Variants in RCE1 observed in about 807,000 individuals in gnomAD.
RCE1 encodes Ras converting CAAX endopeptidase 1, also known as CAAX prenyl protease 2.
A neutral mutation model predicts 35.0 loss-of-function variants in RCE1; 15 were observed. The ratio of observed to expected loss-of-function variants is 0.43; its 90% CI spans 0.29 to 0.66. RCE1 has a LOEUF of 0.66. Among genes scored for constraint, RCE1 ranks in the 30% least tolerant of loss-of-function variants. The probability of loss-of-function intolerance (pLI) is 0.17; values close to 1 mark genes in which losing one functional copy is unlikely to be tolerated. For missense variants in RCE1, 434 were observed against 433.0 expected, an observed-to-expected ratio of 1.00 and a Z score of -0.02; for synonymous variants, 261 against 192.7, an observed-to-expected ratio of 1.35 and a Z score of -2.94.
At position 66,843,938 on chromosome 11, in the gene RCE1, C is replaced by T. The variant is rs769739087; in HGVS notation, c.289-18C>T. ...TAGGGGAGGAAGCAAAACTGATGCC[C>T]CCTTTCCTGTGGCTCAGCCAGGCAC... On this transcript the variant is annotated intron_variant, in intron 2 of 7. Coordinates refer to ENST00000309657, the MANE Select transcript of RCE1 (RefSeq NM_005133.3). The T allele has an allele frequency of 9.2e-5, 148 of 1,613,980 alleles. No homozygotes were observed. Among genetic ancestry groups the T allele is most frequent in the Non-Finnish European group, 1.2e-4 (143 of 1,180,022 alleles).
chr11:66,845,014 C>G lies in RCE1; in HGVS notation c.597C>G (p.Thr199=), dbSNP rs199945997. 7 of 1,596,574 alleles carry G rather than the reference C, an allele frequency of 4.4e-6. No individual in the cohort carries two copies. The highest frequency in any genetic ancestry group is 6.0e-6 in the Non-Finnish European group (7 of 1,168,906). Residue 199 remains threonine, a synonymous_variant, in exon 5 of 8, where the codon ACC becomes ACG. Transcript: ENST00000309657. ...TGGGCCTGGGCCCTGCTGTGTTCAC[C>G]TGCCCGCTCTTTTTTGGAGTTGGTG... ...PCMGLGPAVF[T]CPLFFGVAHF...
At chr11:66,845,742 T>G (rs1591102738) in intron 7 of RCE1, 118 bp from the exon 8 acceptor site, 1 of 1,468,400 alleles carries the variant, frequency 6.8e-7, no homozygotes, top group Non-Finnish European at 9.2e-7. Context: ...GGTGTGTGGG[T>G]GGATGGCTGG....
chr11:66,843,670 CGCCCTGCGG>C (rs1367592307), intron 1 of RCE1, 30 bp downstream of exon 1: 1 of 1,602,424 alleles, frequency 6.2e-7, no homozygotes, highest in Non-Finnish European at 8.5e-7. Flanking sequence ...CCGGAATCCG[CGCCCTGCGG>C]GCGGAGCTTG....
intron 6 of RCE1, 76 bp from the exon 7 acceptor site, chr11:66,845,424 C>G: frequency 6.2e-7 from 1 of 1,610,754 alleles, no homozygotes; most frequent in South Asian, 1.1e-5. Flanking sequence ...GATGGTCGGT[C>G]TTTGGCTGAT....
Position 66,844,294 on chromosome 11 carries a change from C to T in RCE1, c.381C>T (p.Phe127=), listed in dbSNP as rs764361654. 1.9e-6 allele frequency: 3 copies of T among 1,614,158 alleles called. No individual in the cohort carries two copies. The highest frequency in any genetic ancestry group is 2.5e-6 in the Non-Finnish European group (3 of 1,180,036). ...LLPLLLTMIL[F]LGPLMQLSMD... Reference sequence around the variant, plus strand: ...TGTTTTCTTGCCCTCAGATTCTTTTCCTGGGCCCACTGATGCAGCTCTCTA... The same window carrying T: ...TGTTTTCTTGCCCTCAGATTCTTTTTCTGGGCCCACTGATGCAGCTCTCTA... Residue 127 remains phenylalanine (F), a synonymous_variant, in exon 4 of 8, where the codon TTC becomes TTT. Transcript: ENST00000309657.
chr11:66,843,646 G>A lies in RCE1; in HGVS notation c.185+6G>A. On this transcript the variant is annotated splice_donor_region_variant and intron_variant, in intron 1 of 7. Coordinates refer to ENST00000309657, the MANE Select transcript of RCE1 (RefSeq NM_005133.3). Reference sequence around the variant, plus strand: ...TGGAAGAGCGAACTGCCCAGGTGCGGGGGCTGCGCGCGACCGGAATCCGCG... The same window carrying A: ...TGGAAGAGCGAACTGCCCAGGTGCGAGGGCTGCGCGCGACCGGAATCCGCG... The A allele has an allele frequency of 1.9e-6, 3 of 1,602,974 alleles. No individual in the cohort carries two copies. The highest frequency in any genetic ancestry group is 2.5e-6 in the Non-Finnish European group (3 of 1,176,744).
chr11:66,843,671 G>A (rs1945137705), intron 1 of RCE1, 31 bp downstream of exon 1: 2 of 1,601,980 alleles, frequency 1.2e-6, no homozygotes, highest in South Asian at 1.1e-5. Flanking sequence ...CGGAATCCGC[G>A]CCCTGCGGGC....
rs1227898979 is a variant in RCE1, at chr11:66,844,329, C to T, written c.416C>T (p.Pro139Leu). 1.2e-6 allele frequency: 2 copies of T among 1,614,024 alleles called. No individual in the cohort carries two copies. The highest frequency in any genetic ancestry group is 1.3e-5 in the African/African-American group (1 of 74,914). ...GPLMQLSMDCPCDLADGLKVV... is the reference protein window; with the variant it reads ...GPLMQLSMDCLCDLADGLKVV... ...CTGATGCAGCTCTCTATGGATTGCCCTTGTGACCTGGCAGATGGGCTGAAG... is the reference window on the plus strand; with the variant it reads ...CTGATGCAGCTCTCTATGGATTGCCTTTGTGACCTGGCAGATGGGCTGAAG... The change falls in exon 4 of 8, where the codon CCT becomes CTT. Residue 139 changes from proline (P) to leucine (L), a missense_variant. Physicochemically the swap from Pro to Leu is moderately conservative, Grantham distance 98. Coordinates refer to ENST00000309657, the MANE Select transcript of RCE1 (RefSeq NM_005133.3).
chr11:66,845,333 G>C, intron 6 of RCE1, 96 bp downstream of exon 6: 1 of 1,594,026 alleles, frequency 6.3e-7, no homozygotes, highest in African/African-American at 1.3e-5. Context: ...CACAGTATTG[G>C]AGAGGCCACT....
chr11:66,844,131 G>A, intron 3 of RCE1, 92 bp downstream of exon 3: 2 of 1,599,352 alleles, frequency 1.3e-6, no homozygotes, highest in Non-Finnish European at 8.6e-7. Flanking sequence ...TTGGTTGATG[G>A]GAGACAGGAC....
In RCE1 at chr11:66,843,742, T is replaced by TA; in HGVS notation, c.186-16dup. On this transcript the variant is annotated splice_polypyrimidine_tract_variant and intron_variant, in intron 1 of 7. Transcript: ENST00000309657. ...TGGGCAGCCGCGGGCCCCCTGAACT[T>TA]ACTGTCCCCTCCGTAGGGACCATCC... 1 of 1,612,476 alleles carries TA rather than the reference T, an allele frequency of 6.2e-7. No homozygotes were observed. The highest frequency in any genetic ancestry group is 8.5e-7 in the Non-Finnish European group (1 of 1,179,684).
In RCE1 at chr11:66,846,047, T is replaced by C. The variant is rs746349993; in HGVS notation, c.942T>C (p.Cys314=). ...DPKLYGSLPL[C]VLLERAGDSE... is the part of the protein sequence containing the mutation. The stretch of plus-strand genomic sequence containing the variant: ...AGCTCTACGGCAGCCTTCCCCTTTG[T>C]GTGCTTTTGGAGCGGGCAGGGGACT... The change falls in exon 8 of 8, where the codon TGT becomes TGC. Residue 314 remains cysteine, a synonymous_variant. Transcript: ENST00000309657. The C allele has an allele frequency of 6.2e-6, 10 of 1,613,566 alleles. No homozygotes were observed. The African/African-American group carries it at 1.2e-4, about 19-fold the overall frequency.
At position 66,845,990 on chromosome 11, in the gene RCE1, C is replaced by T; in HGVS notation, c.885C>T (p.Phe295=). The T allele has an allele frequency of 1.9e-6, 3 of 1,613,948 alleles. No individual in the cohort carries two copies. The highest frequency in any genetic ancestry group is 2.5e-6 in the Non-Finnish European group (3 of 1,180,040). The part of the protein sequence containing the change: ...LAGYALGVGL[F]LLLLQPLTDP... Reference sequence around the variant, plus strand: ...GCTATGCCCTGGGTGTGGGACTCTTCCTGCTTCTGCTCCAGCCCCTCACGG... The same window carrying T: ...GCTATGCCCTGGGTGTGGGACTCTTTCTGCTTCTGCTCCAGCCCCTCACGG... The change falls in exon 8 of 8, where the codon TTC becomes TTT. Residue 295 remains phenylalanine, a synonymous_variant. Coordinates refer to ENST00000309657, the MANE Select transcript of RCE1 (RefSeq NM_005133.3).
Position 66,844,031 on chromosome 11 carries a change from C to T in RCE1, c.364C>T (p.Leu122=), listed in dbSNP as rs1565201508. 1 of 1,614,126 alleles carries T rather than the reference C, an allele frequency of 6.2e-7. No homozygotes were observed. Among genetic ancestry groups the T allele is most frequent in the Non-Finnish European group, 8.5e-7 (1 of 1,180,032 alleles). The change falls in exon 3 of 8, where the codon CTG becomes TTG. Residue 122 remains leucine (L), a synonymous_variant. Transcript: ENST00000309657. ...CCCAGCGGCGCTGCTGCCCCTGTTGCTGACCATGGTGAGTGCTCCTGCTGT... is the reference window on the plus strand; with the variant it reads ...CCCAGCGGCGCTGCTGCCCCTGTTGTTGACCATGGTGAGTGCTCCTGCTGT... The part of the protein sequence containing the change: ...IFPAALLPLL[L]TMILFLGPLM...
At position 66,843,623 on chromosome 11, in the gene RCE1, G is replaced by C; in HGVS notation, c.168G>C (p.Trp56Cys). Residue 56 changes from tryptophan to cysteine, a missense_variant, in exon 1 of 8, where the codon TGG becomes TGC. By Grantham distance (215) the Trp-to-Cys change is radical. Coordinates refer to ENST00000309657, the MANE Select transcript of RCE1 (RefSeq NM_005133.3). ...CCTACGTGGGCAGCCTCTACGTCTGGAAGAGCGAACTGCCCAGGTGCGGGG... is the reference window on the plus strand; with the variant it reads ...CCTACGTGGGCAGCCTCTACGTCTGCAAGAGCGAACTGCCCAGGTGCGGGG... ...ACSYVGSLYVWKSELPRDHPA... is the reference protein window; with the variant it reads ...ACSYVGSLYVCKSELPRDHPA... 1.2e-6 allele frequency: 2 copies of C among 1,601,230 alleles called. No individual in the cohort carries two copies. The highest frequency in any genetic ancestry group is 1.1e-5 in the South Asian group (1 of 90,232).
chr11:66,846,153 G>A lies in RCE1; in HGVS notation c.*58G>A. The A allele has an allele frequency of 2.0e-6, 3 of 1,508,440 alleles. No individual in the cohort carries two copies. The highest frequency in any genetic ancestry group is 2.6e-6 in the Non-Finnish European group (3 of 1,134,066). The allele number at this position is 1,508,440 out of a possible 1,614,324, so 93.4% of individuals were successfully genotyped here. A position where few individuals can be genotyped will look rare whatever the true frequency, so the allele number is the denominator to read the frequency against. ...CGGCTCCCCAGCCCTCCCCACCAAGGGGTACTGCAGGGGAAGGGCTGGCTG... is the reference window on the plus strand; with the variant it reads ...CGGCTCCCCAGCCCTCCCCACCAAGAGGTACTGCAGGGGAAGGGCTGGCTG... On this transcript the variant is annotated 3_prime_UTR_variant, in exon 8 of 8. Coordinates refer to ENST00000309657, the MANE Select transcript of RCE1 (RefSeq NM_005133.3).
At chr11:66,843,661 C>T in intron 1 of RCE1, 21 bp downstream of exon 1, 2 of 1,602,784 alleles carry the variant, frequency 1.2e-6, no homozygotes, top group Non-Finnish European at 8.5e-7. Context: ...TGCGCGCGAC[C>T]GGAATCCGCG....
At chr11:66,843,681 C>A in intron 1 of RCE1, 41 bp downstream of exon 1, 4 of 1,602,042 alleles carry the variant, frequency 2.5e-6, no homozygotes, top group Non-Finnish European at 2.6e-6. Flanking sequence ...GCCCTGCGGG[C>A]GGAGCTTGGG....
At chr11:66,845,382 T>C in intron 6 of RCE1, 118 bp from the exon 7 acceptor site, 1 of 1,573,468 alleles carries the variant, frequency 6.4e-7, no homozygotes, top group Non-Finnish European at 8.7e-7. Context: ...CTGTAGGTGG[T>C]GGGGCAGGCA....
Sources: allele counts gnomAD v4.1 joint callset, GRCh38; gene constraint gnomAD v4.1.1; transcripts MANE v1.5; gene names NCBI Gene and HGNC (gene_info 2026-07-23, HGNC 2026-07-21).